The following TMEM255B variants were observed in gnomAD, a reference collection of about 807,000 sequenced individuals.
TMEM255B encodes the protein family with sequence similarity 70, member B.
In TMEM255B, 35 loss-of-function variants were observed where a neutral mutation model predicts 34.5. That is an observed-to-expected ratio of 1.01 (90% CI 0.77 to 1.34). TMEM255B has a LOEUF of 1.34. Among genes scored for constraint, TMEM255B ranks in the 40% most tolerant of loss-of-function variants. The pLI is 0.00. For synonymous variants in TMEM255B, 206 were observed against 201.2 expected, an observed-to-expected ratio of 1.02 and a Z score of -0.20; for missense variants, 432 against 433.2, an observed-to-expected ratio of 1.00 and a Z score of 0.02.
chr13:113,771,449 A>G (rs1371620312), intron 3 of TMEM255B, among the ~76,000 whole-genome samples: 2 of 152,234 alleles, frequency 1.3e-5, no homozygotes, highest in Non-Finnish European at 2.9e-5. Context: ...TGGGAGGCCA[A>G]GGTGGGCGGA....
chr13:113,814,474 C>CA lies in TMEM255B; in HGVS notation c.*2576dup, dbSNP rs1354673837. ...AAGGTCAACAGTTTTGTTCTTGCCA[C>CA]AAAAATGTCCTTATCCTTTATCCCA... is the stretch of plus-strand genomic sequence containing the variant. On this transcript the variant is annotated 3_prime_UTR_variant, in exon 9 of 9. Coordinates refer to ENST00000375353, the MANE Select transcript of TMEM255B (RefSeq NM_182614.4). 2 of 152,228 alleles carry CA rather than the reference C, an allele frequency of 1.3e-5. No individual in the cohort carries two copies. Among genetic ancestry groups the CA allele is most frequent in the African/African-American group, 4.8e-5 (2 of 41,456 alleles). The allele number at this position is 152,228 out of a possible 1,614,324, so 9.4% of individuals were successfully genotyped here. A position where few individuals can be genotyped will look rare whatever the true frequency, so the allele number is the denominator to read the frequency against.
rs571275174 is a variant in TMEM255B, at chr13:113,795,725, C to G, written c.342+488C>G. On this transcript the variant is annotated intron_variant, in intron 4 of 8. Coordinates refer to ENST00000375353, the MANE Select transcript of TMEM255B (RefSeq NM_182614.4). ...ACCAAAACAGAGCACATAGCACACA[C>G]CACACAACACACAGAGCACACAGCA... is the stretch of plus-strand genomic sequence containing the variant. 2.5e-3 allele frequency among the ~76,000 whole-genome samples: 341 copies of G among 138,760 alleles called. 3 individuals are homozygous for G. The highest frequency in any genetic ancestry group is 9.0e-3 in the African/African-American group (326 of 36,332). The allele number at this position is 138,760 out of a possible 152,430, so 91.0% of individuals were successfully genotyped here. A position where few individuals can be genotyped will look rare whatever the true frequency, so the allele number is the denominator to read the frequency against.
chr13:113,774,668 CAT>C (rs753794976), intron 3 of TMEM255B, among the ~76,000 whole-genome samples: 6 of 147,556 alleles, frequency 4.1e-5, no homozygotes, highest in African/African-American at 7.7e-5. Flanking sequence ...ACACACCACA[CAT>C]ATGACACACA....
chr13:113,812,928 T>TCCCGAGTGGGTCACAGGC lies in TMEM255B; in HGVS notation c.*1029_*1030insAGTGGGTCACAGGCCCCG. The TCCCGAGTGGGTCACAGGC allele has an allele frequency of 9.1e-6, 1 of 109,480 alleles. No individual in the cohort carries two copies. Among genetic ancestry groups the TCCCGAGTGGGTCACAGGC allele is most frequent in the Non-Finnish European group, 1.8e-5 (1 of 54,858 alleles). The allele number at this position is 109,480 out of a possible 1,614,324, so 6.8% of individuals were successfully genotyped here. A position where few individuals can be genotyped will look rare whatever the true frequency, so the allele number is the denominator to read the frequency against. On this transcript the variant is annotated 3_prime_UTR_variant, in exon 9 of 9. Transcript: ENST00000375353. ...TCACAGGCCCCGGGTGAGTCACGGG[T>TCCCGAGTGGGTCACAGGC]CCCGGGTGGGTCACGGGTCCCGGGT... is the stretch of plus-strand genomic sequence containing the variant.
rs2051073440 is a variant in TMEM255B, at chr13:113,801,925, A to G, written c.669+113A>G. 2.6e-5 allele frequency: 32 copies of G among 1,221,656 alleles called. 1 individual carries two copies. In the South Asian group the frequency reaches 4.8e-4, roughly 18 times the overall value. The allele number at this position is 1,221,656 out of a possible 1,614,324, so 75.7% of individuals were successfully genotyped here. A position where few individuals can be genotyped will look rare whatever the true frequency, so the allele number is the denominator to read the frequency against. ...CCTCACTTTACAGATGGGGCACTGA[A>G]GCCCATGCGTCTGTCAGCAGGGTGT... On this transcript the variant is annotated intron_variant, in intron 7 of 8. Transcript: ENST00000375353.
At chr13:113,788,822 T>C (rs1456176963) in intron 3 of TMEM255B, among the ~76,000 whole-genome samples, 1 of 152,114 alleles carries the variant, frequency 6.6e-6, no homozygotes, top group Admixed American at 6.5e-5. Flanking sequence ...GCCAGAGTTC[T>C]GGGAAACCCC....
At chr13:113,775,502 G>A (rs1017842332) in intron 3 of TMEM255B, among the ~76,000 whole-genome samples, 18 of 152,242 alleles carry the variant, frequency 1.2e-4, no homozygotes, top group African/African-American at 3.4e-4. Flanking sequence ...GCGGCTCTGC[G>A]GGTCACCGGT....
At chr13:113,801,604 G>T (rs1469410370) in intron 6 of TMEM255B, 49 bp from the exon 7 acceptor site, 2 of 1,536,830 alleles carry the variant, frequency 1.3e-6, no homozygotes, top group Non-Finnish European at 1.8e-6. Flanking sequence ...TTAACTTGCG[G>T]GTGGTCACTT....
intron 3 of TMEM255B, among the ~76,000 whole-genome samples, chr13:113,781,006 A>T (rs1057126430): frequency 8.5e-5 from 13 of 152,206 alleles, no homozygotes; most frequent in Admixed American, 3.9e-4. Flanking sequence ...GCCAAACACC[A>T]TTGCATATTT....
At chr13:113,771,950 C>T (rs1452855466) in intron 3 of TMEM255B, among the ~76,000 whole-genome samples, 2 of 152,158 alleles carry the variant, frequency 1.3e-5, no homozygotes, top group East Asian at 3.8e-4. Context: ...GTGGCTGCCC[C>T]ATGTTACATT....
rs779017372 is a variant in TMEM255B at position 113,769,228 on chromosome 13, G to T, written c.252+68G>T. The T allele has an allele frequency of 3.3e-5, 52 of 1,566,102 alleles. No homozygotes were observed. The highest frequency in any genetic ancestry group is 4.6e-5 in the Non-Finnish European group (52 of 1,137,146). On this transcript the variant is annotated intron_variant, in intron 3 of 8. Transcript: ENST00000375353. This position sits in a 1 kb window ranked among gnomAD's most constrained non-coding sequence, Gnocchi z 4.2. ...CAGGGGATGGTACAGCTGCACTGGG[G>T]CTCTGAGAAGAGTCAGCCCTGCCTC... is the stretch of plus-strand genomic sequence containing the variant.
Position 113,800,847 on chromosome 13 carries a change from C to A in TMEM255B, c.444C>A (p.Asp148Glu). The A allele has an allele frequency of 1.2e-6, 2 of 1,609,016 alleles. No individual in the cohort carries two copies. Among genetic ancestry groups the A allele is most frequent in the Non-Finnish European group, 1.7e-6 (2 of 1,178,134 alleles). The change falls in exon 6 of 9, where the codon GAC becomes GAA. Residue 148 changes from aspartate to glutamate, a missense_variant. Physicochemically the swap from Asp to Glu is conservative, Grantham distance 45 (BLOSUM62 2). Coordinates refer to ENST00000375353, the MANE Select transcript of TMEM255B (RefSeq NM_182614.4). Reference protein sequence around the residue: ...YQTEVTCHSLDGKCQLKVRSN... With the variant: ...YQTEVTCHSLEGKCQLKVRSN... ...CCCAGGTCACCTGTCACTCCCTGGACGGCAAGTGCCAGCTGAAGGTGAGAA... is the reference window on the plus strand; with the variant it reads ...CCCAGGTCACCTGTCACTCCCTGGAAGGCAAGTGCCAGCTGAAGGTGAGAA...
chr13:113,803,692 C>T (rs1489917733), intron 7 of TMEM255B, among the ~76,000 whole-genome samples: 5 of 152,164 alleles, frequency 3.3e-5, no homozygotes, highest in African/African-American at 1.2e-4. Context: ...ACCTCCCAGG[C>T]CCACCTCGGC....
rs7332019 is a variant in TMEM255B, at chr13:113,804,867, G to C, written c.670-18G>C. On this transcript the variant is annotated intron_variant, in intron 7 of 8. Coordinates refer to ENST00000375353, the MANE Select transcript of TMEM255B (RefSeq NM_182614.4). ...ACTAGGGGGTACACGCCGACCACCC[G>C]TCTCCTCTCCATGGCAGGTGCCTCT... 1.1e-5 allele frequency: 17 copies of C among 1,518,202 alleles called. No homozygotes were observed. In the Admixed American group the frequency reaches 2.9e-4, roughly 26 times the overall value. The allele number at this position is 1,518,202 out of a possible 1,614,324, so 94.0% of individuals were successfully genotyped here.
Position 113,806,824 on chromosome 13 carries a change from TAGAAGGAGGAGGCCCGCAGGGGC to T in TMEM255B, c.813+1800_813+1822del, listed in dbSNP as rs2051181017. On this transcript the variant is annotated intron_variant, in intron 8 of 8. Coordinates refer to ENST00000375353, the MANE Select transcript of TMEM255B (RefSeq NM_182614.4). This position sits in a 1 kb window ranked among gnomAD's most constrained non-coding sequence, Gnocchi z 4.2. Reference sequence around the variant, plus strand: ...GCCCAGAACTGGAGGCCCGCAGGGGTAGAAGGAGGAGGCCCGCAGGGGCAGAGGTATCTCCAGGGACGCTGGGC... The same window carrying T: ...GCCCAGAACTGGAGGCCCGCAGGGGTAGAGGTATCTCCAGGGACGCTGGGC... 1.8e-5 allele frequency among the ~76,000 whole-genome samples: 2 copies of T among 112,626 alleles called. No individual in the cohort carries two copies. The highest frequency in any genetic ancestry group is 6.6e-5 in the African/African-American group (2 of 30,448). The allele number at this position is 112,626 out of a possible 152,430, so 73.9% of individuals were successfully genotyped here. A position where few individuals can be genotyped will look rare whatever the true frequency, so the allele number is the denominator to read the frequency against.
At chr13:113,807,806 C>T (rs958348849) in intron 8 of TMEM255B, among the ~76,000 whole-genome samples, 11 of 138,342 alleles carry the variant, frequency 8.0e-5, no homozygotes, top group Non-Finnish European at 1.4e-4. Context: ...CTCCCTATCA[C>T]AGGAGGGCTT....
chr13:113,800,990 G>A (rs1337311150), intron 6 of TMEM255B, 78 bp downstream of exon 6: 13 of 1,327,438 alleles, frequency 9.8e-6, no homozygotes, highest in Admixed American at 2.1e-5. Flanking sequence ...CTACACCTGC[G>A]GGAGGTGAGG....
Position 113,801,642 on chromosome 13 carries a change from T to A in TMEM255B, c.510-11T>A. On this transcript the variant is annotated splice_polypyrimidine_tract_variant and intron_variant, in intron 6 of 8. Transcript: ENST00000375353. The stretch of plus-strand genomic sequence containing the variant: ...CTCGTGCGGTGACGCCATGGTGCCC[T>A]CTCTGTGCAGCGCAGAGCCCTCGCC... The A allele has an allele frequency of 3.8e-6, 6 of 1,585,452 alleles. No homozygotes were observed. The highest frequency in any genetic ancestry group is 5.2e-6 in the Non-Finnish European group (6 of 1,162,298).
rs1048215358 is a variant in TMEM255B at position 113,815,340 on chromosome 13, C to T, written c.*3437C>T. The T allele has an allele frequency of 2.0e-5, 3 of 149,626 alleles. No homozygotes were observed. Among genetic ancestry groups the T allele is most frequent in the Admixed American group, 6.7e-5 (1 of 15,032 alleles). The allele number at this position is 149,626 out of a possible 1,614,324, so 9.3% of individuals were successfully genotyped here. A position where few individuals can be genotyped will look rare whatever the true frequency, so the allele number is the denominator to read the frequency against. ...TCCGTCCACGTGGGGTCACCGGCCA[C>T]GGAGAGAGGAAGGGACATGGGTGAC... On this transcript the variant is annotated 3_prime_UTR_variant, in exon 9 of 9. Transcript: ENST00000375353.
Sources: allele counts gnomAD v4.1 joint callset (sites outside exome capture counted in the v4.1 genomes callset), GRCh38; gene constraint gnomAD v4.1.1; non-coding constraint Gnocchi (gnomAD v3.1); transcripts MANE v1.5; gene names NCBI Gene and HGNC (gene_info 2026-07-23, HGNC 2026-07-21).